RELN: variants seen among roughly 807,000 people sequenced by gnomAD.
The protein encoded by RELN is reelin.
In RELN, 108 loss-of-function variants were observed where a neutral mutation model predicts 427.6. The ratio of observed to expected loss-of-function variants is 0.25; its 90% CI spans 0.22 to 0.30. The LOEUF (loss-of-function observed/expected upper bound fraction) is 0.30, where lower values mean the gene tolerates loss of function less well. Among genes scored for constraint, RELN ranks in the 10% least tolerant of loss-of-function variants. The pLI is 1.00. For missense variants in RELN, 3,715 were observed against 4,302.8 expected (o/e 0.86, Z 3.82); for synonymous variants, 1,524 against 1,513.4 (o/e 1.01, Z -0.16).
intron 2 of RELN, among the ~76,000 whole-genome samples, chr7:103,869,432 CCT>C (rs1383144169): frequency 6.6e-6 from 1 of 151,918 alleles, no homozygotes; most frequent in African/African-American, 2.4e-5. Context: ...TCTAGAATCC[CCT>C]GTTGTACAAA....
chr7:103,556,952 C>T (rs1345572065), intron 38 of RELN, 25 bp downstream of exon 38: 1 of 1,575,986 alleles, frequency 6.3e-7, no homozygotes, highest in Non-Finnish European at 8.7e-7. Context: ...CAGTTCTGAT[C>T]ACAGGAGAAC....
intron 4 of RELN, among the ~76,000 whole-genome samples, chr7:103,771,777 C>G (rs1791576145): frequency 6.6e-6 from 1 of 151,898 alleles, no homozygotes; most frequent in Non-Finnish European, 1.5e-5. Context: ...GATCTAATCA[C>G]AGTAATACAT....
intron 1 of RELN, among the ~76,000 whole-genome samples, chr7:103,987,023 C>A (rs1404899420): frequency 1.6e-5 from 2 of 126,848 alleles, no homozygotes; most frequent in Non-Finnish European, 1.6e-5. Context: ...AAGAGACATA[C>A]ATAAGCATCA....
rs1197929690 is a variant in RELN, at chr7:103,740,141, A to C, written c.656+9285T>G. Among the ~76,000 whole-genome samples the C allele has an allele frequency of 3.3e-5, 5 of 152,242 alleles. No individual in the cohort carries two copies. In the East Asian group the frequency reaches 7.7e-4, roughly 23 times the overall value. ...GACACTTAGCTCAAAAACAAACAAA[A>C]AAAAATAGAAGAGACAAGCCAGAGT... is the stretch of plus-strand genomic sequence containing the variant. On this transcript the variant is annotated intron_variant, in intron 6 of 64. Transcript: ENST00000428762.
chr7:103,535,145 A>G (rs755739070), intron 46 of RELN, among the ~76,000 whole-genome samples, 171 bp downstream of exon 46: 16 of 152,236 alleles, frequency 1.1e-4, no homozygotes, highest in Non-Finnish European at 1.9e-4. Flanking sequence ...CCATGATAAA[A>G]ACTGGTTTCT....
intron 6 of RELN, among the ~76,000 whole-genome samples, chr7:103,733,887 G>A (rs113394400): frequency 0.074 from 11,173 of 151,480 alleles, 533 homozygotes; most frequent in East Asian, 0.2. Flanking sequence ...ACATGTATAC[G>A]TATGTAACTA....
At chr7:103,800,940 C>T (rs577477719) in intron 3 of RELN, among the ~76,000 whole-genome samples, 1 of 152,282 alleles carries the variant, frequency 6.6e-6, no homozygotes, top group East Asian at 1.9e-4. Context: ...AGACACATCT[C>T]AAAAGAAGAC....
Position 103,907,048 on chromosome 7 carries a change from G to T in RELN, c.337+10027C>A, listed in dbSNP as rs78499943. 3.5e-3 allele frequency among the ~76,000 whole-genome samples: 526 copies of T among 152,104 alleles called. 8 individuals carry two copies. In the East Asian group the frequency reaches 0.054, roughly 16 times the overall value. On this transcript the variant is annotated intron_variant, in intron 2 of 64. Coordinates refer to ENST00000428762, the MANE Select transcript of RELN (RefSeq NM_005045.4). ...CAACAAAAGACATATCCATACAATG[G>T]AATATTATTCATCTATAAAAAGAAG...
intron 2 of RELN, among the ~76,000 whole-genome samples, chr7:103,854,156 C>T (rs943748098): frequency 2.6e-5 from 4 of 152,088 alleles, no homozygotes; most frequent in East Asian, 1.9e-4. Flanking sequence ...AAAGTTAATG[C>T]TTATGTAGAT....
chr7:103,897,276 C>T (rs948353078), intron 2 of RELN, among the ~76,000 whole-genome samples: 2 of 152,030 alleles, frequency 1.3e-5, no homozygotes, highest in Admixed American at 6.6e-5. Flanking sequence ...AATATAAAAC[C>T]ATGCAAATAT....
rs1791745084 is a variant in RELN, at chr7:103,776,472, A to G, written c.544+85T>C. The G allele has an allele frequency of 3.7e-6, 5 of 1,342,892 alleles. No homozygotes were observed. The Admixed American group carries it at 8.4e-5, about 23-fold the overall frequency. The allele number at this position is 1,342,892 out of a possible 1,614,324, so 83.2% of individuals were successfully genotyped here. A position where few individuals can be genotyped will look rare whatever the true frequency, so the allele number is the denominator to read the frequency against. On this transcript the variant is annotated intron_variant, in intron 4 of 64. Transcript: ENST00000428762. ...TAAAGCTTACGATTAAGTAATCATA[A>G]TGAAATGCTTACTTGGTACATAGAA...
intron 7 of RELN, among the ~76,000 whole-genome samples, chr7:103,726,027 A>G (rs1790202796): frequency 6.6e-6 from 1 of 152,174 alleles, no homozygotes; most frequent in Non-Finnish European, 1.5e-5. Flanking sequence ...AAGAAGGCAT[A>G]TTGTTTAAAA....
Position 103,635,478 on chromosome 7 carries a change from C to G in RELN, c.2412G>C (p.Gly804=). 1 of 1,613,900 alleles carries G rather than the reference C, an allele frequency of 6.2e-7. No individual in the cohort carries two copies. The highest frequency in any genetic ancestry group is 8.5e-7 in the Non-Finnish European group (1 of 1,179,870). The change falls in exon 19 of 65, where the codon GGG becomes GGC. Residue 804 remains glycine, a synonymous_variant. Transcript: ENST00000428762. ...GVLLHYSYDN[G]ITWKLLEHYS... is the part of the protein sequence containing the mutation. ...AATGCTCCAGGAGTTTCCAAGTTATCCCATTATCATAAGAATAATGCAACA... is the reference window on the plus strand; with the variant it reads ...AATGCTCCAGGAGTTTCCAAGTTATGCCATTATCATAAGAATAATGCAACA...
chr7:103,860,692 T>C (rs1268316973), intron 2 of RELN, among the ~76,000 whole-genome samples: 1 of 152,098 alleles, frequency 6.6e-6, no homozygotes, highest in East Asian at 1.9e-4. Context: ...ATTACAGGCA[T>C]GAGCCACCGC....
intron 4 of RELN, among the ~76,000 whole-genome samples, chr7:103,759,115 T>A (rs1333785167): frequency 6.6e-6 from 1 of 152,106 alleles, no homozygotes; most frequent in Non-Finnish European, 1.5e-5. Flanking sequence ...AAAAAATAGA[T>A]TGCTTATAGA....
At chr7:103,599,190 C>T (rs1177318568) in intron 24 of RELN, among the ~76,000 whole-genome samples, 1 of 152,154 alleles carries the variant, frequency 6.6e-6, no homozygotes, top group African/African-American at 2.4e-5. Context: ...GAAAGCAATT[C>T]TATTTACTTG....
chr7:103,472,882 TTCA>T lies in RELN; in HGVS notation c.10310_10312del (p.Met3437del), dbSNP rs1406481652. ...TCTGAGCCCATGTTGTCGTGAAAAA[TTCA>T]TCATGTAATTTTGTTTGCGAGTGCT... On this transcript the variant is annotated inframe_deletion, in exon 65 of 65. Coordinates refer to ENST00000428762, the MANE Select transcript of RELN (RefSeq NM_005045.4). 1.2e-6 allele frequency: 2 copies of T among 1,613,812 alleles called. No homozygotes were observed. Among genetic ancestry groups the T allele is most frequent in the African/African-American group, 2.7e-5 (2 of 74,916 alleles).
At chr7:103,517,558 A>G (rs182851165) in intron 49 of RELN, among the ~76,000 whole-genome samples, 1 of 152,280 alleles carries the variant, frequency 6.6e-6, no homozygotes, top group East Asian at 1.9e-4. Flanking sequence ...CACTAACGTT[A>G]TGCTGCTTAA....
At chr7:103,794,662 C>T (rs1327660605) in intron 3 of RELN, among the ~76,000 whole-genome samples, 1 of 152,172 alleles carries the variant, frequency 6.6e-6, no homozygotes, top group Non-Finnish European at 1.5e-5. Context: ...AAGTCATTTA[C>T]AAACTGAACA....
Sources: allele counts gnomAD v4.1 joint callset (sites outside exome capture counted in the v4.1 genomes callset), GRCh38; gene constraint gnomAD v4.1.1; transcripts MANE v1.5; gene names NCBI Gene and HGNC (gene_info 2026-07-23, HGNC 2026-07-21).